LAYN: variants seen among roughly 807,000 people sequenced by gnomAD.
LAYN encodes the protein layilin.
LAYN carries 38 observed loss-of-function variants against 43.6 expected under a neutral mutation model. That is an observed-to-expected ratio of 0.87 (90% CI 0.67 to 1.14). LAYN has a LOEUF of 1.14. Ranked by LOEUF, LAYN falls within the 50% of genes most tolerant of loss-of-function variation. The probability of loss-of-function intolerance (pLI) is 0.00; values close to 1 mark genes in which losing one functional copy is unlikely to be tolerated. For synonymous variants in LAYN, 168 were observed against 172.9 expected (o/e 0.97, Z 0.22); for missense variants, 479 against 463.8 (o/e 1.03, Z -0.30).
At chr11:111,558,875 C>T (rs1257464165) in intron 6 of LAYN, among the ~76,000 whole-genome samples, 1 of 151,712 alleles carries the variant, frequency 6.6e-6, no homozygotes, top group East Asian at 1.9e-4. Context: ...GCAACCTCCG[C>T]CTCCCGGGTT....
intron 1 of LAYN, among the ~76,000 whole-genome samples, chr11:111,541,839 T>C (rs1867546315): frequency 6.6e-6 from 1 of 152,152 alleles, no homozygotes; most frequent in African/African-American, 2.4e-5. Flanking sequence ...TAGGGCTGCG[T>C]GGGCTCTGTC....
At position 111,546,706 on chromosome 11, in the gene LAYN, T is replaced by C. The variant is rs182195511; in HGVS notation, c.383+2486T>C. ...CTCTTCCATCTTACAACGGATCTAT[T>C]CCAAGCTTGCCTAATCTCCGATTAG... On this transcript the variant is annotated intron_variant, in intron 2 of 6. Transcript: ENST00000375614. Among the ~76,000 whole-genome samples, 17 of 152,354 alleles carry C rather than the reference T, an allele frequency of 1.1e-4. No homozygotes were observed. In the East Asian group the frequency reaches 3.3e-3, roughly 29 times the overall value.
chr11:111,559,978 C>G (rs533696064), intron 6 of LAYN, 117 bp from the exon 7 acceptor site: 4 of 1,207,350 alleles, frequency 3.3e-6, no homozygotes, highest in Non-Finnish European at 4.6e-6. Context: ...GTTACATAGA[C>G]GAGACATGCA....
Position 111,560,243 on chromosome 11 carries a change from A to T in LAYN, c.910A>T (p.Asn304Tyr). Residue 304 changes from asparagine to tyrosine, a missense_variant, in exon 7 of 7, where the codon AAT becomes TAT. By Grantham distance (143) the Asn-to-Tyr change is moderately radical (BLOSUM62 -2). Transcript: ENST00000375614. ...DLAETRPDLK[N>Y]ISFRVCSGEA... ...AGCTGAGACCCGGCCAGACCTGAAGAATATTTCATTCCGAGTGTGTTCGGG... is the reference window on the plus strand; with the variant it reads ...AGCTGAGACCCGGCCAGACCTGAAGTATATTTCATTCCGAGTGTGTTCGGG... 2.5e-6 allele frequency: 4 copies of T among 1,614,208 alleles called. No individual in the cohort carries two copies. Among genetic ancestry groups the T allele is most frequent in the Non-Finnish European group, 3.4e-6 (4 of 1,180,042 alleles).
chr11:111,547,529 A>G (rs1447139168), intron 2 of LAYN, among the ~76,000 whole-genome samples: 1 of 152,238 alleles, frequency 6.6e-6, no homozygotes, highest in Non-Finnish European at 1.5e-5. Flanking sequence ...AAACTGTTTC[A>G]GATTATCTTT....
At chr11:111,551,374 T>C (rs548611947) in intron 3 of LAYN, 8 of 456,116 alleles carry the variant, frequency 1.8e-5, no homozygotes, top group Non-Finnish European at 3.5e-5. Flanking sequence ...GGAAGCCCCA[T>C]TGAAACAGTT....
chr11:111,546,192 A>G (rs1490667101), intron 2 of LAYN, among the ~76,000 whole-genome samples: 1 of 152,032 alleles, frequency 6.6e-6, no homozygotes, highest in Non-Finnish European at 1.5e-5. Context: ...GGTCTTTAAT[A>G]TCTGATGAAA....
intron 2 of LAYN, among the ~76,000 whole-genome samples, chr11:111,545,120 G>C (rs1867628410): frequency 6.6e-6 from 1 of 150,746 alleles, no homozygotes. Context: ...ATCTATCTTA[G>C]TCCACCCATT....
chr11:111,553,264 T>C (rs1449408198), intron 3 of LAYN, among the ~76,000 whole-genome samples: 1 of 151,714 alleles, frequency 6.6e-6, no homozygotes, highest in Non-Finnish European at 1.5e-5. Context: ...AATAAATAAA[T>C]AAACAACAAT....
intron 1 of LAYN, among the ~76,000 whole-genome samples, chr11:111,542,200 C>T (rs536447904): frequency 1.3e-5 from 2 of 152,226 alleles, no homozygotes; most frequent in African/African-American, 4.8e-5. Context: ...ATCGCAAAAG[C>T]GTGGCTGGCC....
At chr11:111,556,279 A>G (rs79551915) in intron 5 of LAYN, among the ~76,000 whole-genome samples, 360 of 152,286 alleles carry the variant, frequency 2.4e-3, no homozygotes, top group African/African-American at 8.0e-3. Context: ...TGGAATCAGG[A>G]TGCATTAGCA....
At position 111,560,393 on chromosome 11, in the gene LAYN, T is replaced by A; in HGVS notation, c.1060T>A (p.Ser354Thr). The change falls in exon 7 of 7, where the codon TCC (serine) becomes ACC (threonine). Residue 354 changes from serine to threonine, a missense_variant. Physicochemically the swap from Ser to Thr is moderately conservative, Grantham distance 58. Coordinates refer to ENST00000375614, the MANE Select transcript of LAYN (RefSeq NM_178834.5). ...GFVTNDIYEF[S>T]PDQMGRSKES... ...TGTGACCAATGACATTTATGAGTTC[T>A]CCCCAGACCAAATGGGGAGGAGTAA... The A allele has an allele frequency of 1.2e-6, 2 of 1,614,120 alleles. No individual in the cohort carries two copies. Among genetic ancestry groups the A allele is most frequent in the Non-Finnish European group, 1.7e-6 (2 of 1,179,996 alleles).
chr11:111,540,757 G>T lies in LAYN; in HGVS notation c.-87G>T, dbSNP rs1867514960. On this transcript the variant is annotated 5_prime_UTR_variant, in exon 1 of 7. Transcript: ENST00000375614. ...GGTGGCCTAGAGATGCTGCTGCCGC[G>T]GTTGCAGTTGTCGCGCACGCCTCTG... The T allele has an allele frequency of 5.4e-6, 7 of 1,303,042 alleles. No homozygotes were observed. The East Asian group carries it at 2.0e-4, about 38-fold the overall frequency. The allele number at this position is 1,303,042 out of a possible 1,614,324, so 80.7% of individuals were successfully genotyped here. A position where few individuals can be genotyped will look rare whatever the true frequency, so the allele number is the denominator to read the frequency against.
At chr11:111,541,436 G>C in intron 1 of LAYN, 1 of 871,616 alleles carries the variant, frequency 1.1e-6, no homozygotes, top group Admixed American at 2.0e-5. Flanking sequence ...GGGTTGGATG[G>C]CTGGGTCGAG....
chr11:111,545,076 T>TATATATATATATA (rs35836917), intron 2 of LAYN, among the ~76,000 whole-genome samples: 3 of 145,712 alleles, frequency 2.1e-5, no homozygotes, highest in African/African-American at 8.1e-5. Flanking sequence ...ATATATATAT[T>TATATATATATATA]TTTTACCTAT....
At chr11:111,550,132 A>AGCC (rs1867717902) in intron 3 of LAYN, among the ~76,000 whole-genome samples, 1 of 152,214 alleles carries the variant, frequency 6.6e-6, no homozygotes, top group Non-Finnish European at 1.5e-5. Flanking sequence ...GGCTTAGAAT[A>AGCC]AGCTGGCCAT....
chr11:111,555,383 C>A, intron 5 of LAYN, 93 bp downstream of exon 5: 2 of 876,670 alleles, frequency 2.3e-6, no homozygotes, highest in Non-Finnish European at 3.6e-6. Context: ...TTCTTTCCCA[C>A]AGCTACCTAA....
chr11:111,541,899 TGAGAA>T (rs1419005780), intron 1 of LAYN, among the ~76,000 whole-genome samples: 1 of 151,868 alleles, frequency 6.6e-6, no homozygotes, highest in African/African-American at 2.4e-5. Context: ...TTCCTGCAAA[TGAGAA>T]GAGAAGGACA....
rs578116328 is a variant in LAYN at position 111,556,073 on chromosome 11, C to A, written c.658+783C>A. ...TCCCCAGGCCACCTGCATTTCTGAC[C>A]AATTGGCTACAAATCCAGGAGTGCC... On this transcript the variant is annotated intron_variant, in intron 5 of 6. Transcript: ENST00000375614. Among the ~76,000 whole-genome samples, 12 of 152,252 alleles carry A rather than the reference C, an allele frequency of 7.9e-5. 1 individual carries two copies. Among genetic ancestry groups the A allele is most frequent in the Admixed American group, 1.3e-4 (2 of 15,304 alleles).
Sources: gnomAD v4.1 joint callset for allele counts (sites outside exome capture counted in the v4.1 genomes callset) on GRCh38, gnomAD v4.1.1 for gene constraint, MANE v1.5 for transcripts, NCBI Gene and HGNC (gene_info 2026-07-23, HGNC 2026-07-21) for gene names.